SYNE1: variants seen among roughly 807,000 people sequenced by gnomAD.
SYNE1 encodes nesprin-1.
In SYNE1, 616 loss-of-function variants were observed where a neutral mutation model predicts 1,111.0. That is an observed-to-expected ratio of 0.55 (90% CI 0.52 to 0.59). The LOEUF is 0.59. Among genes scored for constraint, SYNE1 ranks in the 20% least tolerant of loss-of-function variants. The probability of loss-of-function intolerance (pLI) is 0.00; values close to 1 mark genes in which losing one functional copy is unlikely to be tolerated. For missense variants in SYNE1, 10,006 were observed against 10,417.0 expected (o/e 0.96, Z 1.72); for synonymous variants, 3,855 against 3,825.8 (o/e 1.01, Z -0.28).
chr6:152,612,684 G>A (rs1358525201), intron 3 of SYNE1, among the ~76,000 whole-genome samples: 1 of 152,150 alleles, frequency 6.6e-6, no homozygotes, highest in African/African-American at 2.4e-5. Context: ...AAGCCTGGCA[G>A]AGACACACAG....
intron 145 of SYNE1, chr6:152,125,440 C>T: frequency 7.0e-7 from 1 of 1,436,880 alleles, no homozygotes; most frequent in Non-Finnish European, 9.3e-7. Context: ...GTTACATGAC[C>T]ATGGGCAAGT....
intron 2 of SYNE1, among the ~76,000 whole-genome samples, chr6:152,634,113 A>T (rs923891391): frequency 6.6e-6 from 1 of 152,256 alleles, no homozygotes; most frequent in African/African-American, 2.4e-5. Context: ...GGAATACACT[A>T]AGAAAAGCAC....
At chr6:152,555,825 TGA>T (rs1340149601) in intron 3 of SYNE1, among the ~76,000 whole-genome samples, 1 of 152,172 alleles carries the variant, frequency 6.6e-6, no homozygotes, top group Non-Finnish European at 1.5e-5. Context: ...TTAGAAAATA[TGA>T]GAATCTACAT....
intron 59 of SYNE1, among the ~76,000 whole-genome samples, chr6:152,370,196 T>C (rs1384469088): frequency 1.3e-5 from 2 of 152,118 alleles, no homozygotes; most frequent in Admixed American, 1.3e-4. Context: ...CTAGAGCATT[T>C]GTTGTCTATA....
chr6:152,240,965 T>C (rs1232114199), intron 107 of SYNE1, among the ~76,000 whole-genome samples: 1 of 152,226 alleles, frequency 6.6e-6, no homozygotes, highest in East Asian at 1.9e-4. Context: ...GGAGGAGACT[T>C]TGAAGTTCAT....
chr6:152,475,240 C>T (rs2098828213), intron 14 of SYNE1, among the ~76,000 whole-genome samples: 1 of 152,180 alleles, frequency 6.6e-6, no homozygotes, highest in African/African-American at 2.4e-5. Context: ...TAAGTACAGT[C>T]ACTCCTTGAC....
intron 91 of SYNE1, among the ~76,000 whole-genome samples, chr6:152,305,949 C>T (rs190270752): frequency 1.8e-3 from 269 of 152,324 alleles, no homozygotes; most frequent in African/African-American, 6.2e-3. Flanking sequence ...CCACTGCTGA[C>T]TGAGCTGAGT....
chr6:152,332,232 C>G (rs2096266155), intron 77 of SYNE1, among the ~76,000 whole-genome samples: 1 of 152,158 alleles, frequency 6.6e-6, no homozygotes, highest in Non-Finnish European at 1.5e-5. Context: ...CCTCAGCCTC[C>G]CAAAGTGCTA....
chr6:152,252,400 TTA>T (rs753973349), intron 104 of SYNE1, among the ~76,000 whole-genome samples: 104 of 152,268 alleles, frequency 6.8e-4, no homozygotes, highest in Non-Finnish European at 1.1e-3. Context: ...CAATACACAA[TTA>T]TATGTTTGGG....
chr6:152,206,965 G>C (rs1472013830), intron 125 of SYNE1, among the ~76,000 whole-genome samples: 3 of 152,148 alleles, frequency 2.0e-5, no homozygotes, highest in African/African-American at 7.2e-5. Flanking sequence ...GAAGAATATT[G>C]ATGTTGGGAT....
intron 59 of SYNE1, among the ~76,000 whole-genome samples, chr6:152,371,231 G>A (rs2097174044): frequency 6.6e-6 from 1 of 152,038 alleles, no homozygotes; most frequent in African/African-American, 2.4e-5. Context: ...GGGACCCAAT[G>A]GGAGGTAATT....
rs772205853 is a variant in SYNE1, at chr6:152,331,551, A to G, written c.13134T>C (p.Asp4378=). The G allele has an allele frequency of 1.9e-6, 3 of 1,614,130 alleles. No individual in the cohort carries two copies. The highest frequency in any genetic ancestry group is 1.1e-5 in the South Asian group (1 of 91,074). The part of the protein sequence containing the change: ...AEALKQSPPP[D]MAQNLLMDHL... ...GATCCATGAGAAGGTTCTGAGCCAT[A>G]TCTGGAGGAGGGCTCTGCTTAAGGG... Residue 4378 remains aspartate, a synonymous_variant, in exon 78 of 146, where the codon GAT becomes GAC. Transcript: ENST00000367255.
At position 152,326,017 on chromosome 6, in the gene SYNE1, A is replaced by T; in HGVS notation, c.15379T>A (p.Phe5127Ile). 6.2e-7 allele frequency: 1 copy of T among 1,614,056 alleles called. No individual in the cohort carries two copies. The highest frequency in any genetic ancestry group is 1.1e-5 in the South Asian group (1 of 91,068). The change falls in exon 80 of 146, where the codon TTT (phenylalanine) becomes ATT (isoleucine). Residue 5127 changes from phenylalanine (F) to isoleucine (I), a missense_variant. Physicochemically the swap from Phe to Ile is conservative, Grantham distance 21. Around this residue, in one of 7 missense-constraint regions of SYNE1, gnomAD observed 4,955 missense variants for 5,017.2 expected, o/e 0.99. Coordinates refer to ENST00000367255, the MANE Select transcript of SYNE1 (RefSeq NM_182961.4). ...CTAGACGAAGTCTTCAACAAAGAAA[A>T]CTCAGACAATTTCTTTTCTGTATCA... is the stretch of plus-strand genomic sequence containing the variant. The part of the protein sequence containing the change: ...MNDTEKKLSE[F>I]SLLKTSSSHE...
intron 45 of SYNE1, among the ~76,000 whole-genome samples, chr6:152,406,047 T>G (rs1450663117): frequency 6.6e-6 from 1 of 152,102 alleles, no homozygotes; most frequent in Non-Finnish European, 1.5e-5. Context: ...TTTCTGTTTT[T>G]CCATTATATT....
intron 116 of SYNE1, among the ~76,000 whole-genome samples, chr6:152,224,983 A>G (rs1005031222): frequency 4.0e-4 from 59 of 147,854 alleles, no homozygotes; most frequent in Non-Finnish European, 2.4e-4. Flanking sequence ...ATATATGTAT[A>G]TATATTTTTA....
intron 95 of SYNE1, among the ~76,000 whole-genome samples, chr6:152,293,067 G>T (rs540291121): frequency 3.3e-5 from 5 of 152,018 alleles, no homozygotes; most frequent in Admixed American, 1.3e-4. Flanking sequence ...CTAATATTTT[G>T]CCTAGTTTAA....
intron 12 of SYNE1, among the ~76,000 whole-genome samples, chr6:152,486,256 A>G (rs954788414): frequency 1.3e-5 from 2 of 152,160 alleles, no homozygotes; most frequent in African/African-American, 2.4e-5. Flanking sequence ...CAAAACATCA[A>G]ATCAACTTTT....
chr6:152,213,384 G>A (rs1230820298), intron 123 of SYNE1, among the ~76,000 whole-genome samples: 1 of 152,106 alleles, frequency 6.6e-6, no homozygotes, highest in Non-Finnish European at 1.5e-5. Flanking sequence ...ACTTTACAAG[G>A]AACTGAAGAT....
At chr6:152,601,345 T>C (rs1312854752) in intron 3 of SYNE1, among the ~76,000 whole-genome samples, 1 of 152,150 alleles carries the variant, frequency 6.6e-6, no homozygotes, top group Non-Finnish European at 1.5e-5. Context: ...ATTGAAGAAA[T>C]TGAGGTTCAC....
Sources: gnomAD v4.1 joint callset for allele counts (sites outside exome capture counted in the v4.1 genomes callset) on GRCh38, gnomAD v4.1.1 for gene constraint, gnomAD v4.1.1 regional missense constraint, MANE v1.5 for transcripts, NCBI Gene and HGNC (gene_info 2026-07-23, HGNC 2026-07-21) for gene names.